Variants in ZNF676 observed in about 807,000 individuals in gnomAD.
ZNF676 encodes zinc finger protein 676.
ZNF676 carries 4 observed loss-of-function variants against 6.0 expected under a neutral mutation model. The ratio of observed to expected loss-of-function variants is 0.67; its 90% CI spans 0.33 to 1.53. The LOEUF is 1.53. ZNF676 is among the 40% of genes most tolerant of loss of function. ZNF676 has a pLI of 0.06. For missense variants in ZNF676, 644 were observed against 679.7 expected, an observed-to-expected ratio of 0.95 and a Z score of 0.58; for synonymous variants, 198 against 223.1, an observed-to-expected ratio of 0.89 and a Z score of 1.00.
chr19:22,196,145 T>C (rs1466430548), intron 1 of ZNF676, among the ~76,000 whole-genome samples: 1 of 152,132 alleles, frequency 6.6e-6, no homozygotes, highest in Non-Finnish European at 1.5e-5. Context: ...GCCTGAGTGT[T>C]GTGACCAACT....
the ZNF676 span, among the ~76,000 whole-genome samples, chr19:22,228,704 A>G: frequency 6.6e-6 from 1 of 152,152 alleles, no homozygotes; most frequent in Admixed American, 6.6e-5. Flanking sequence ...ATTCCTATAC[A>G]CCAATAACAG....
intron 2 of ZNF676, among the ~76,000 whole-genome samples, chr19:22,183,110 A>C (rs1189508570): frequency 6.6e-6 from 1 of 152,082 alleles, no homozygotes; most frequent in Non-Finnish European, 1.5e-5. Flanking sequence ...TCCCCAAGAT[A>C]CCACACAAAA....
chr19:22,255,562 A>C, the ZNF676 span, among the ~76,000 whole-genome samples: 4 of 152,154 alleles, frequency 2.6e-5, no homozygotes, highest in Non-Finnish European at 5.9e-5. Flanking sequence ...ATGTTTTGCT[A>C]TCACTGGGTG....
chr19:22,198,294 G>A (rs564161458), upstream of ZNF676, among the ~76,000 whole-genome samples: 17 of 152,170 alleles, frequency 1.1e-4, no homozygotes, highest in South Asian at 2.3e-3. Context: ...TTTCTGCATG[G>A]CATATAAGAA....
At chr19:22,218,726 C>G (rs2024218803), upstream of ZNF676, among the ~76,000 whole-genome samples, 1 of 152,064 alleles carries the variant, frequency 6.6e-6, no homozygotes, top group Non-Finnish European at 1.5e-5. Flanking sequence ...TGTTATTTCC[C>G]CACTTCATAT....
chr19:22,194,716 T>C (rs1464540864), intron 1 of ZNF676, among the ~76,000 whole-genome samples: 5 of 151,948 alleles, frequency 3.3e-5, no homozygotes, highest in South Asian at 2.1e-4. Context: ...TTCATCATAA[T>C]AACACCCCCG....
At chr19:22,230,880 G>A in the ZNF676 span, among the ~76,000 whole-genome samples, 2 of 151,138 alleles carry the variant, frequency 1.3e-5, no homozygotes, top group African/African-American at 2.4e-5. Context: ...GGCTGGTCTC[G>A]AACTCCTAAC....
At chr19:22,254,269 C>T in the ZNF676 span, among the ~76,000 whole-genome samples, 4 of 151,710 alleles carry the variant, frequency 2.6e-5, no homozygotes, top group Non-Finnish European at 5.9e-5. Flanking sequence ...TCAAAATGCT[C>T]TCTGTGGGCA....
At chr19:22,187,738 A>G (rs1243572364) in intron 2 of ZNF676, among the ~76,000 whole-genome samples, 1 of 152,180 alleles carries the variant, frequency 6.6e-6, no homozygotes, top group Non-Finnish European at 1.5e-5. Context: ...AATACTATAA[A>G]CGTCTCTATG....
At chr19:22,199,883 A>G (rs190559301), upstream of ZNF676, among the ~76,000 whole-genome samples, 4 of 152,330 alleles carry the variant, frequency 2.6e-5, no homozygotes, top group Admixed American at 1.3e-4. Flanking sequence ...TACATACTTT[A>G]TATTTCCCAT....
At chr19:22,253,879 G>A in the ZNF676 span, among the ~76,000 whole-genome samples, 3 of 152,010 alleles carry the variant, frequency 2.0e-5, no homozygotes, top group Non-Finnish European at 4.4e-5. Context: ...TACCACTCAA[G>A]GGCTTTATAT....
chr19:22,247,707 C>G, the ZNF676 span, among the ~76,000 whole-genome samples: 1 of 152,120 alleles, frequency 6.6e-6, no homozygotes, highest in Non-Finnish European at 1.5e-5. Flanking sequence ...ATGTCTTGAA[C>G]CTGGGAGGCA....
At chr19:22,258,635 G>T in the ZNF676 span, among the ~76,000 whole-genome samples, 2 of 152,172 alleles carry the variant, frequency 1.3e-5, no homozygotes, top group African/African-American at 4.8e-5. Flanking sequence ...TCACCTGGGT[G>T]TTACACTCAG....
the ZNF676 span, among the ~76,000 whole-genome samples, chr19:22,241,409 G>A: frequency 6.6e-6 from 1 of 151,836 alleles, no homozygotes; most frequent in African/African-American, 2.4e-5. Flanking sequence ...CACAGCTGTG[G>A]GGAATCTTGG....
At chr19:22,239,867 C>T in the ZNF676 span, among the ~76,000 whole-genome samples, 5 of 152,188 alleles carry the variant, frequency 3.3e-5, no homozygotes, top group Non-Finnish European at 4.4e-5. Context: ...AGAGTCACAT[C>T]ACCCAGATAA....
intron 2 of ZNF676, among the ~76,000 whole-genome samples, chr19:22,185,551 C>G (rs886387795): frequency 1.3e-5 from 2 of 150,006 alleles, no homozygotes; most frequent in Non-Finnish European, 3.0e-5. Flanking sequence ...TTCAAATTTG[C>G]AAATTTCAGA....
chr19:22,184,000 T>A (rs1280355969), intron 2 of ZNF676, among the ~76,000 whole-genome samples: 1 of 152,196 alleles, frequency 6.6e-6, no homozygotes, highest in African/African-American at 2.4e-5. Context: ...AGGAGATCAA[T>A]ATAATTATAG....
chr19:22,203,728 G>A (rs1045536406), intron 1 of ZNF676: 1 of 152,130 alleles, frequency 6.6e-6, no homozygotes, highest in Non-Finnish European at 1.5e-5. Flanking sequence ...CCAAATAGCT[G>A]GGACTATAGA....
Position 22,180,071 on chromosome 19 carries a change from G to T in ZNF676, c.1646C>A (p.Thr549Asn). The change falls in exon 3 of 3, where the codon ACT (threonine) becomes AAT (asparagine). Residue 549 changes from threonine (T) to asparagine (N), a missense_variant. Physicochemically the swap from Thr to Asn is moderately conservative, Grantham distance 65 (BLOSUM62 0). This residue lies in a region of ZNF676 where 306 missense variants were observed against 265.4 expected (regional missense o/e 1.15). Coordinates refer to ENST00000397121, the MANE Select transcript of ZNF676 (RefSeq NM_001001411.3). ...TCCAGTATGAATTCTCTTGTGTCTA[G>T]TAAGGCTTGAGGATCTGCTGAAGGC... is the stretch of plus-strand genomic sequence containing the variant. ...GKAFSRSSSL[T>N]RHKRIHTGEK... 1 of 1,612,522 alleles carries T rather than the reference G, an allele frequency of 6.2e-7. No individual in the cohort carries two copies. The highest frequency in any genetic ancestry group is 1.7e-5 in the Admixed American group (1 of 59,908).
Sources: gnomAD v4.1 joint callset for allele counts (sites outside exome capture counted in the v4.1 genomes callset) on GRCh38, gnomAD v4.1.1 for gene constraint, gnomAD v4.1.1 regional missense constraint, MANE v1.5 for transcripts, NCBI Gene and HGNC (gene_info 2026-07-23, HGNC 2026-07-21) for gene names.